C14orf39: variants seen among roughly 807,000 people sequenced by gnomAD.
C14orf39 encodes chromosome 14 open reading frame 39.
Under a neutral mutation model 85.6 loss-of-function variants are expected in C14orf39, and 66 were observed. The ratio of observed to expected loss-of-function variants is 0.77; its 90% confidence interval spans 0.63 to 0.95. The LOEUF (loss-of-function observed/expected upper bound fraction) is 0.95. C14orf39 is among the 40% of genes least tolerant of loss of function. The pLI, the probability that C14orf39 is intolerant of heterozygous loss-of-function variation, is 0.00. For synonymous variants in C14orf39, 242 were observed against 214.0 expected, an observed-to-expected ratio of 1.13 and a Z score of -1.14; for missense variants, 735 against 663.9, an observed-to-expected ratio of 1.11 and a Z score of -1.18.
In C14orf39 at chr14:60,455,157, G is replaced by T; in HGVS notation, c.1359-12C>A. The T allele has an allele frequency of 6.6e-7, 1 of 1,524,982 alleles. No individual in the cohort carries two copies. The highest frequency in any genetic ancestry group is 1.2e-5 in the South Asian group (1 of 80,704). The allele number at this position is 1,524,982 out of a possible 1,614,324, so 94.5% of individuals were successfully genotyped here. A position where few individuals can be genotyped will look rare whatever the true frequency, so the allele number is the denominator to read the frequency against. ...TTCTATTTCTGTTACTGAGAAATAA[G>T]AAATTATCAAAATGTTAAAAATCTA... On this transcript the variant is annotated splice_polypyrimidine_tract_variant and intron_variant, in intron 15 of 17. Coordinates refer to ENST00000321731, the MANE Select transcript of C14orf39 (RefSeq NM_174978.3).
Position 60,483,788 on chromosome 14 carries a change from C to T in C14orf39, c.136G>A (p.Val46Ile). Residue 46 changes from valine (V) to isoleucine (I), a missense_variant, in exon 4 of 18, where the codon GTA becomes ATA. Physicochemically the swap from Val to Ile is conservative, Grantham distance 29. Transcript: ENST00000321731. Reference protein sequence around the residue: ...KCCEDIKENKVTICRIHETIN... With the variant: ...KCCEDIKENKITICRIHETIN... ...GTTTCGTGTATCCTACAAATAGTTA[C>T]TTTGTTTTCCTTAATATCTTCACAG... 6.5e-7 allele frequency: 1 copy of T among 1,527,456 alleles called. No homozygotes were observed. The highest frequency in any genetic ancestry group is 2.3e-5 in the East Asian group (1 of 43,692). 94.6% of individuals were successfully genotyped at this position (1,527,456 alleles called of 1,614,324 possible). A position where few individuals can be genotyped will look rare whatever the true frequency, so the allele number is the denominator to read the frequency against.
chr14:60,450,511 G>A (rs1890982581), intron 16 of C14orf39, among the ~76,000 whole-genome samples: 2 of 152,240 alleles, frequency 1.3e-5, no homozygotes, highest in South Asian at 4.1e-4. Flanking sequence ...GTAGAACATT[G>A]GGCAAATTAC....
At chr14:60,445,071 C>G (rs549985991) in intron 16 of C14orf39, among the ~76,000 whole-genome samples, 5 of 152,258 alleles carry the variant, frequency 3.3e-5, no homozygotes, top group African/African-American at 9.6e-5. Flanking sequence ...GAAGGGAACA[C>G]TAAACTTGGA....
At chr14:60,466,566 G>C (rs1350269172) in intron 10 of C14orf39, among the ~76,000 whole-genome samples, 1 of 151,868 alleles carries the variant, frequency 6.6e-6, no homozygotes, top group Non-Finnish European at 1.5e-5. Flanking sequence ...CTAAGTTATA[G>C]ATACTATTAG....
intron 2 of C14orf39, among the ~76,000 whole-genome samples, chr14:60,492,846 G>T (rs2140175911): frequency 6.6e-6 from 1 of 152,202 alleles, no homozygotes; most frequent in East Asian, 1.9e-4. Context: ...GGACTTGCCT[G>T]TTCTAACTTT....
chr14:60,509,104 A>AG (rs879514688), intron 1 of C14orf39: 92 of 476,440 alleles, frequency 1.9e-4, no homozygotes, highest in Non-Finnish European at 3.3e-4. Flanking sequence ...GGTGACTGAC[A>AG]GGGGGTCTCC....
intron 16 of C14orf39, among the ~76,000 whole-genome samples, chr14:60,448,876 G>A (rs1595446826): frequency 6.6e-6 from 1 of 152,184 alleles, no homozygotes; most frequent in African/African-American, 2.4e-5. Flanking sequence ...ACGAGTTCAT[G>A]TTCTTTGCAG....
chr14:60,454,450 G>A (rs1891174466), intron 16 of C14orf39, among the ~76,000 whole-genome samples: 1 of 151,926 alleles, frequency 6.6e-6, no homozygotes, highest in African/African-American at 2.4e-5. Flanking sequence ...ACACACCTAA[G>A]TAGTCTGGCT....
chr14:60,463,320 A>C (rs1165967381), intron 11 of C14orf39, among the ~76,000 whole-genome samples: 1 of 152,080 alleles, frequency 6.6e-6, no homozygotes, highest in Non-Finnish European at 1.5e-5. Context: ...TTCTTTATAT[A>C]GTATACATTG....
chr14:60,461,696 C>G, intron 11 of C14orf39, 103 bp from the exon 12 acceptor site: 1 of 587,812 alleles, frequency 1.7e-6, no homozygotes, highest in Non-Finnish European at 2.9e-6. Context: ...GTATTTCATC[C>G]TTTCCATCAT....
At chr14:60,460,896 C>A (rs979446309) in intron 13 of C14orf39, among the ~76,000 whole-genome samples, 98 of 151,252 alleles carry the variant, frequency 6.5e-4, no homozygotes, top group Non-Finnish European at 1.1e-3. Context: ...TGAAAAAAAA[C>A]CAAAATATTC....
chr14:60,443,219 G>A (rs934398039), intron 16 of C14orf39, among the ~76,000 whole-genome samples: 7 of 152,144 alleles, frequency 4.6e-5, no homozygotes, highest in Non-Finnish European at 7.4e-5. Flanking sequence ...AGGGCAGGGC[G>A]TCCCCTCACC....
chr14:60,498,875 C>A (rs1218854396), intron 2 of C14orf39, among the ~76,000 whole-genome samples: 1 of 152,186 alleles, frequency 6.6e-6, no homozygotes, highest in Non-Finnish European at 1.5e-5. Context: ...CCCCACTGGA[C>A]TCTGAGATAG....
At chr14:60,502,494 C>G (rs1893160820) in intron 1 of C14orf39, among the ~76,000 whole-genome samples, 1 of 152,020 alleles carries the variant, frequency 6.6e-6, no homozygotes, top group African/African-American at 2.4e-5. Flanking sequence ...CAGTTCAGCC[C>G]CCAATTTTAA....
At position 60,515,246 on chromosome 14, in the gene C14orf39, C is replaced by G. The variant is rs1893349334; in HGVS notation, c.-144+149G>C. 1 of 151,744 alleles carries G rather than the reference C, an allele frequency of 6.6e-6. No homozygotes were observed. Among genetic ancestry groups the G allele is most frequent in the Non-Finnish European group, 1.5e-5 (1 of 67,850 alleles). The allele number at this position is 151,744 out of a possible 1,614,324, so 9.4% of individuals were successfully genotyped here. ...CGCGTGGGTCCCCTCGGGGAGGCGC[C>G]CCAAGCCACGGTCCGCTCCCAAAGA... On this transcript the variant is annotated intron_variant, in intron 1 of 5. Transcript: ENST00000556799. The surrounding 1 kb of genome is among the most constrained non-coding windows in gnomAD (Gnocchi z 6.2).
intron 16 of C14orf39, among the ~76,000 whole-genome samples, chr14:60,447,995 GA>G (rs1183023314): frequency 1.3e-5 from 2 of 152,178 alleles, no homozygotes; most frequent in Non-Finnish European, 2.9e-5. Flanking sequence ...GCCATATGTA[GA>G]AAGCTGAAAC....
Position 60,483,695 on chromosome 14 carries a change from T to C in C14orf39, c.229A>G (p.Arg77Gly). Residue 77 changes from arginine to glycine, a missense_variant, in exon 4 of 18, where the codon AGA becomes GGA. Physicochemically the swap from Arg to Gly is moderately radical, Grantham distance 125. Coordinates refer to ENST00000321731, the MANE Select transcript of C14orf39 (RefSeq NM_174978.3). ...TTGATTCTTTCAAATACTCACTTTC[T>C]ACAGTTGTCTTTAATCTCCTCACTA... ...KHSEEIKDNC[R>G]NWKPTCDVFR... 6.3e-7 allele frequency: 1 copy of C among 1,585,036 alleles called. No individual in the cohort carries two copies. The highest frequency in any genetic ancestry group is 8.6e-7 in the Non-Finnish European group (1 of 1,168,180).
At chr14:60,507,246 A>G (rs1364331606) in intron 1 of C14orf39, among the ~76,000 whole-genome samples, 1 of 152,040 alleles carries the variant, frequency 6.6e-6, no homozygotes, top group African/African-American at 2.4e-5. Flanking sequence ...CCCTGGCCAG[A>G]AGCTCCGGGA....
chr14:60,438,729 A>C (rs1351716598), intron 17 of C14orf39, among the ~76,000 whole-genome samples: 1 of 152,094 alleles, frequency 6.6e-6, no homozygotes. Context: ...TGAGGGGATA[A>C]ATAAAAGGTT....
Sources: gnomAD v4.1 joint callset for allele counts (sites outside exome capture counted in the v4.1 genomes callset) on GRCh38, gnomAD v4.1.1 for gene constraint, Gnocchi (gnomAD v3.1) non-coding constraint, MANE v1.5 for transcripts, NCBI Gene and HGNC (gene_info 2026-07-23, HGNC 2026-07-21) for gene names.